Variants in MARCHF3 observed in about 807,000 individuals in gnomAD.
MARCHF3 encodes the protein E3 ubiquitin-protein ligase MARCHF3.
A neutral mutation model predicts 24.2 loss-of-function variants in MARCHF3; 13 were observed. That is an observed-to-expected ratio of 0.54 (90% CI 0.35 to 0.85). MARCHF3 has a LOEUF of 0.85. Ranked by LOEUF, MARCHF3 falls within the 40% of genes least tolerant of loss-of-function variation. The probability of loss-of-function intolerance (pLI) is 0.01; values close to 1 mark genes in which losing one functional copy is unlikely to be tolerated. For synonymous variants in MARCHF3, 144 were observed against 137.3 expected (o/e 1.05, Z -0.34); for missense variants, 276 against 325.0 (o/e 0.85, Z 1.16).
At chr5:126,997,039 A>T (rs1198878380) in intron 1 of MARCHF3, among the ~76,000 whole-genome samples, 1 of 152,224 alleles carries the variant, frequency 6.6e-6, no homozygotes, top group African/African-American at 2.4e-5. Context: ...AGTTAAAAGC[A>T]ACTCATATGA....
At chr5:126,939,811 C>T (rs1243891218) in intron 1 of MARCHF3, among the ~76,000 whole-genome samples, 1 of 152,074 alleles carries the variant, frequency 6.6e-6, no homozygotes, top group East Asian at 1.9e-4. Flanking sequence ...AATACATAAC[C>T]TTGTTTATGC....
intron 4 of MARCHF3, among the ~76,000 whole-genome samples, chr5:126,871,345 T>C (rs1752957419): frequency 6.6e-6 from 1 of 152,208 alleles, no homozygotes; most frequent in Non-Finnish European, 1.5e-5. Flanking sequence ...GATTCCTAAT[T>C]GCATCCAGCT....
intron 1 of MARCHF3, among the ~76,000 whole-genome samples, chr5:126,978,695 T>G (rs1326239599): frequency 6.6e-6 from 1 of 152,174 alleles, no homozygotes; most frequent in Non-Finnish European, 1.5e-5. Flanking sequence ...CAACTCGGCT[T>G]TTTGCTCTCA....
At chr5:126,874,136 G>A (rs193207650) in intron 4 of MARCHF3, among the ~76,000 whole-genome samples, 1 of 152,202 alleles carries the variant, frequency 6.6e-6, no homozygotes, top group African/African-American at 2.4e-5. Context: ...GCTTCCTGAA[G>A]TTTCTAGTTT....
intron 1 of MARCHF3, among the ~76,000 whole-genome samples, chr5:126,958,622 G>C (rs1750529511): frequency 6.6e-6 from 1 of 152,100 alleles, no homozygotes; most frequent in Non-Finnish European, 1.5e-5. Flanking sequence ...GGACTGGGAA[G>C]TATATAGAAG....
chr5:127,024,179 T>C (rs1752919542), intron 1 of MARCHF3, among the ~76,000 whole-genome samples: 1 of 152,116 alleles, frequency 6.6e-6, no homozygotes, highest in South Asian at 2.1e-4. Context: ...TGGAGATGGA[T>C]GGAGTAGGAA....
At chr5:126,959,479 A>G (rs1291163362) in intron 1 of MARCHF3, among the ~76,000 whole-genome samples, 1 of 152,182 alleles carries the variant, frequency 6.6e-6, no homozygotes, top group East Asian at 1.9e-4. Context: ...AACTAAATGT[A>G]TCATAGGCTC....
At chr5:126,999,044 T>C (rs1561466419) in intron 1 of MARCHF3, among the ~76,000 whole-genome samples, 1 of 152,224 alleles carries the variant, frequency 6.6e-6, no homozygotes, top group Admixed American at 6.5e-5. Flanking sequence ...TATTGTACTT[T>C]ACACATAATT....
intron 1 of MARCHF3, among the ~76,000 whole-genome samples, chr5:126,971,025 T>C (rs1359090096): frequency 6.6e-6 from 1 of 152,030 alleles, no homozygotes; most frequent in East Asian, 1.9e-4. Flanking sequence ...TGTTGGTAGG[T>C]TGAGAAAATT....
intron 3 of MARCHF3, among the ~76,000 whole-genome samples, chr5:126,880,609 A>G (rs1580594463): frequency 6.6e-6 from 1 of 152,206 alleles, no homozygotes; most frequent in African/African-American, 2.4e-5. Context: ...AAGTTAAATG[A>G]TGGTGCCAGG....
At chr5:127,000,429 C>T (rs544978346) in intron 1 of MARCHF3, among the ~76,000 whole-genome samples, 17 of 152,100 alleles carry the variant, frequency 1.1e-4, no homozygotes, top group African/African-American at 4.1e-4. Flanking sequence ...CAAGGGGGTT[C>T]GAGGTCCCTC....
At chr5:126,922,070 G>GT (rs1160988497) in intron 1 of MARCHF3, among the ~76,000 whole-genome samples, 2 of 152,248 alleles carry the variant, frequency 1.3e-5, no homozygotes, top group African/African-American at 2.4e-5. Flanking sequence ...GTTGCCACTG[G>GT]TAAGTGATTT....
intron 1 of MARCHF3, among the ~76,000 whole-genome samples, chr5:126,967,666 C>A (rs1750863840): frequency 6.6e-6 from 1 of 152,200 alleles, no homozygotes; most frequent in Admixed American, 6.5e-5. Flanking sequence ...GCACTCCAGC[C>A]TGGGTGACAA....
At chr5:126,931,876 GATA>G (rs368792192) in intron 1 of MARCHF3, among the ~76,000 whole-genome samples, 5 of 151,870 alleles carry the variant, frequency 3.3e-5, no homozygotes, top group African/African-American at 7.2e-5. Context: ...GCTATTTGGT[GATA>G]ATAATAATAA....
chr5:126,927,059 AG>A (rs1168069117), intron 1 of MARCHF3, among the ~76,000 whole-genome samples: 1 of 152,170 alleles, frequency 6.6e-6, no homozygotes, highest in Admixed American at 6.5e-5. Context: ...AAAAAATCAC[AG>A]GAACTCCCCC....
chr5:127,009,518 T>C (rs1752415927), intron 1 of MARCHF3, among the ~76,000 whole-genome samples: 2 of 152,338 alleles, frequency 1.3e-5, no homozygotes, highest in South Asian at 4.1e-4. Context: ...ACATTTTTAT[T>C]TGTGCTACTT....
At chr5:127,029,280 C>T (rs1753098324) in intron 1 of MARCHF3, among the ~76,000 whole-genome samples, 1 of 152,194 alleles carries the variant, frequency 6.6e-6, no homozygotes, top group African/African-American at 2.4e-5. Context: ...TTCATATACA[C>T]ATACAGAACT....
intron 1 of MARCHF3, among the ~76,000 whole-genome samples, chr5:126,933,605 C>T (rs928762956): frequency 2.6e-5 from 4 of 151,976 alleles, no homozygotes; most frequent in Admixed American, 6.6e-5. Flanking sequence ...CCACCACGCT[C>T]GGCTAATTTT....
At chr5:126,916,675 TGACA>T (rs1336046227) in intron 2 of MARCHF3, among the ~76,000 whole-genome samples, 89 of 112,316 alleles carry the variant, frequency 7.9e-4, no homozygotes, top group South Asian at 3.0e-3. Flanking sequence ...TAAAAATACC[TGACA>T]GACAGACAGA....
Sources: allele counts gnomAD v4.1 joint callset (sites outside exome capture counted in the v4.1 genomes callset), GRCh38; gene constraint gnomAD v4.1.1; transcripts MANE v1.5; gene names NCBI Gene and HGNC (gene_info 2026-07-23, HGNC 2026-07-21).